Variants in ZNF423 observed in about 807,000 individuals in gnomAD.
ZNF423 encodes the protein Ebf-associated zinc finger protein.
A neutral mutation model predicts 95.8 loss-of-function variants in ZNF423; 12 were observed. That is an observed-to-expected ratio of 0.13 (90% CI 0.08 to 0.20). ZNF423 has a LOEUF of 0.20. ZNF423 is among the 10% of genes least tolerant of loss of function. The pLI is 1.00. For missense variants in ZNF423, 1,316 were observed against 1,737.1 expected, an observed-to-expected ratio of 0.76 and a Z score of 4.31; for synonymous variants, 749 against 711.9, an observed-to-expected ratio of 1.05 and a Z score of -0.83.
intron 3 of ZNF423, among the ~76,000 whole-genome samples, chr16:49,673,473 C>A: frequency 6.6e-6 from 1 of 152,232 alleles, no homozygotes; most frequent in Admixed American, 6.5e-5. Context: ...ACTGCGGGTG[C>A]TTGTTAAGGA....
At chr16:49,562,741 A>G (rs1970057759) in intron 5 of ZNF423, among the ~76,000 whole-genome samples, 1 of 152,196 alleles carries the variant, frequency 6.6e-6, no homozygotes, top group African/African-American at 2.4e-5. Flanking sequence ...TTGTCCAAAT[A>G]GCCAACGTTC....
intron 3 of ZNF423, among the ~76,000 whole-genome samples, chr16:49,655,386 T>C (rs1567269896): frequency 6.6e-6 from 1 of 152,148 alleles, no homozygotes; most frequent in East Asian, 1.9e-4. Context: ...TGCGAATGAC[T>C]GAGAGTTAAA....
intron 3 of ZNF423, among the ~76,000 whole-genome samples, chr16:49,718,205 G>A (rs2032763629): frequency 6.6e-6 from 1 of 152,172 alleles, no homozygotes; most frequent in Non-Finnish European, 1.5e-5. Context: ...AGGATCACCT[G>A]AGTCATGAGT....
chr16:49,529,100 C>T (rs770996499), intron 5 of ZNF423, among the ~76,000 whole-genome samples: 14 of 151,414 alleles, frequency 9.2e-5, no homozygotes, highest in Non-Finnish European at 1.5e-4. Flanking sequence ...TGAGTTAAGA[C>T]GCACAATTGC....
At chr16:49,796,057 G>A (rs940558379) in intron 1 of ZNF423, among the ~76,000 whole-genome samples, 2 of 152,120 alleles carry the variant, frequency 1.3e-5, no homozygotes, top group Admixed American at 6.5e-5. Context: ...GCTCTGCCAG[G>A]GCTTCAGGCA....
At chr16:49,718,799 C>G (rs1048405332) in intron 3 of ZNF423, among the ~76,000 whole-genome samples, 3 of 152,172 alleles carry the variant, frequency 2.0e-5, no homozygotes, top group Non-Finnish European at 4.4e-5. Flanking sequence ...GCACTCATCC[C>G]ATTCTTCCAG....
At position 49,638,390 on chromosome 16, in the gene ZNF423, C is replaced by T. The variant is rs1342509044; in HGVS notation, c.786G>A (p.Ser262=). 9 of 1,613,858 alleles carry T rather than the reference C, an allele frequency of 5.6e-6. No homozygotes were observed. The highest frequency in any genetic ancestry group is 1.3e-5 in the African/African-American group (1 of 74,936). Residue 262 remains serine (S), a synonymous_variant, in exon 4 of 8, where the codon TCG becomes TCA. Transcript: ENST00000563137. This position sits in a 1 kb window ranked among gnomAD's most constrained non-coding sequence, Gnocchi z 5.6. ...AGTCGTCCTTCTTGGCTTCCTTCTC[C>T]GACTTGGCCAGATGCTCCTTGTTCT... The part of the protein sequence containing the change: ...HKKNKEHLAK[S]EKEAKKDDFM...
chr16:49,657,994 C>A (rs1299382772), intron 3 of ZNF423, among the ~76,000 whole-genome samples: 1 of 152,204 alleles, frequency 6.6e-6, no homozygotes, highest in Non-Finnish European at 1.5e-5. Flanking sequence ...GTCCTTTCAA[C>A]GACCTCAGGA....
intron 5 of ZNF423, among the ~76,000 whole-genome samples, chr16:49,620,700 G>A (rs1471888322): frequency 6.6e-6 from 1 of 152,150 alleles, no homozygotes; most frequent in Non-Finnish European, 1.5e-5. Context: ...ACGTCCAGGG[G>A]CCCAGAGGCT....
intron 7 of ZNF423, among the ~76,000 whole-genome samples, chr16:49,512,470 T>C (rs1169831532): frequency 6.6e-6 from 1 of 152,248 alleles, no homozygotes; most frequent in African/African-American, 2.4e-5. Flanking sequence ...GACTTGCTTA[T>C]GGTCATGGAG....
chr16:49,757,819 T>C (rs2033755031), intron 2 of ZNF423, among the ~76,000 whole-genome samples: 1 of 152,104 alleles, frequency 6.6e-6, no homozygotes. Context: ...TCCCCCAGTG[T>C]ACTGAAGGGG....
At chr16:49,660,787 G>A (rs2030173924) in intron 3 of ZNF423, among the ~76,000 whole-genome samples, 1 of 150,864 alleles carries the variant, frequency 6.6e-6, no homozygotes, top group African/African-American at 2.4e-5. Context: ...CTGAATCCCA[G>A]AGAAATGACA....
At chr16:49,514,692 A>G (rs1196529205) in intron 7 of ZNF423, among the ~76,000 whole-genome samples, 1 of 152,194 alleles carries the variant, frequency 6.6e-6, no homozygotes, top group Non-Finnish European at 1.5e-5. Flanking sequence ...TTAGGCACAC[A>G]CAAGCAAACA....
chr16:49,589,194 A>G (rs915884344), intron 5 of ZNF423, among the ~76,000 whole-genome samples: 2 of 152,190 alleles, frequency 1.3e-5, no homozygotes, highest in African/African-American at 4.8e-5. Flanking sequence ...AGTCCATCAC[A>G]AAGGGGAAAA....
intron 2 of ZNF423, among the ~76,000 whole-genome samples, chr16:49,786,887 C>T (rs1030691554): frequency 6.6e-6 from 1 of 152,196 alleles, no homozygotes; most frequent in African/African-American, 2.4e-5. Context: ...CTGATGTGGC[C>T]AAGTGACATT....
chr16:49,615,128 T>TCACACACACACA lies in ZNF423; in HGVS notation c.3601+11041_3601+11042insTGTGTGTGTGTG, dbSNP rs557190259. Among the ~76,000 whole-genome samples the TCACACACACACA allele has an allele frequency of 6.2e-3, 608 of 98,494 alleles. 5 individuals carry two copies. Among genetic ancestry groups the TCACACACACACA allele is most frequent in the African/African-American group, 0.019 (522 of 26,958 alleles). 64.6% of individuals were successfully genotyped at this position (98,494 alleles called of 152,430 possible). Reference sequence around the variant, plus strand: ...CCTGGGCAACAAGAAAGAAACTCCATCTCACACACACACACACACACACAC... The same window carrying TCACACACACACA: ...CCTGGGCAACAAGAAAGAAACTCCATCACACACACACACTCACACACACACACACACACACAC... On this transcript the variant is annotated intron_variant, in intron 5 of 7. Transcript: ENST00000563137.
intron 1 of ZNF423, among the ~76,000 whole-genome samples, chr16:49,830,587 G>A (rs976368383): frequency 2.0e-5 from 3 of 152,196 alleles, no homozygotes; most frequent in African/African-American, 7.2e-5. Flanking sequence ...GGGACATTTA[G>A]GAGAGGTATC....
At position 49,638,502 on chromosome 16, in the gene ZNF423, C is replaced by T; in HGVS notation, c.674G>A (p.Ser225Asn). 6.2e-7 allele frequency: 1 copy of T among 1,613,760 alleles called. No homozygotes were observed. Among genetic ancestry groups the T allele is most frequent in the East Asian group, 2.2e-5 (1 of 44,858 alleles). The change falls in exon 4 of 8, where the codon AGC becomes AAC. Residue 225 changes from serine to asparagine, a missense_variant. This residue lies in a region of ZNF423 where 399 missense variants were observed against 478.5 expected (regional missense o/e 0.83). Coordinates refer to ENST00000563137, the MANE Select transcript of ZNF423 (RefSeq NM_001379286.1). The surrounding 1 kb of genome is among the most constrained non-coding windows in gnomAD (Gnocchi z 5.6). Reference protein sequence around the residue: ...DHLKIHLKTHSSSKPFKCTVC... With the variant: ...DHLKIHLKTHNSSKPFKCTVC... ...AGTGCACTTGAAGGGCTTGCTGGAGCTGTGGGTCTTCAGGTGGATCTTGAG... is the reference window on the plus strand; with the variant it reads ...AGTGCACTTGAAGGGCTTGCTGGAGTTGTGGGTCTTCAGGTGGATCTTGAG...
chr16:49,575,779 G>A (rs1970477827), intron 5 of ZNF423, among the ~76,000 whole-genome samples: 1 of 152,194 alleles, frequency 6.6e-6, no homozygotes, highest in Non-Finnish European at 1.5e-5. Flanking sequence ...ACGGATTCTT[G>A]TTTGGCAGGA....
Sources: gnomAD v4.1 joint callset for allele counts (sites outside exome capture counted in the v4.1 genomes callset) on GRCh38, gnomAD v4.1.1 for gene constraint, gnomAD v4.1.1 regional missense constraint, Gnocchi (gnomAD v3.1) non-coding constraint, MANE v1.5 for transcripts, NCBI Gene and HGNC (gene_info 2026-07-23, HGNC 2026-07-21) for gene names.